The following GOLGB1 variants were observed in gnomAD, a reference collection of about 807,000 sequenced individuals.
GOLGB1 encodes golgin subfamily B member 1.
Under a neutral mutation model 336.9 loss-of-function variants are expected in GOLGB1, and 174 were observed. That is an observed-to-expected ratio of 0.52 (90% confidence interval 0.46 to 0.59). GOLGB1 has a LOEUF of 0.59. Among genes scored for constraint, GOLGB1 ranks in the 20% least tolerant of loss-of-function variants. The probability of loss-of-function intolerance (pLI) is 0.00; values close to 1 mark genes in which losing one functional copy is unlikely to be tolerated. For synonymous variants in GOLGB1, 1,208 were observed against 1,289.2 expected, an observed-to-expected ratio of 0.94 and a Z score of 1.35; for missense variants, 3,331 against 3,645.3, an observed-to-expected ratio of 0.91 and a Z score of 2.22.
intron 15 of GOLGB1, among the ~76,000 whole-genome samples, chr3:121,677,862 ATACGG>A (rs1940608934): frequency 6.6e-6 from 1 of 152,174 alleles, no homozygotes; most frequent in Non-Finnish European, 1.5e-5. Context: ...CGATGCTCTG[ATACGG>A]TACCAATCAC....
intron 5 of GOLGB1, among the ~76,000 whole-genome samples, chr3:121,726,397 C>A (rs1945602052): frequency 7.1e-6 from 1 of 141,478 alleles, no homozygotes; most frequent in Non-Finnish European, 1.5e-5. Context: ...CTGTACTGCT[C>A]CACTCCAGCC....
In GOLGB1 at chr3:121,698,267, GTC is replaced by G; in HGVS notation, c.2254_2255del (p.Asp752ProfsTer10). On this transcript the variant is annotated frameshift_variant, in exon 13 of 22. Coordinates refer to ENST00000614479, the MANE Select transcript of GOLGB1 (RefSeq NM_001366282.2). LOFTEE classifies it high-confidence loss of function. ...SAFTALSEER[D>X]QLLSQVKELS... is the part of the protein sequence containing the mutation. ...GTTCCTTCACCTGAGAGAGAAGCTG[GTC>G]TCTTTCTTCAGACAAAGCAGTGAAT... The G allele has an allele frequency of 6.2e-7, 1 of 1,613,810 alleles. No homozygotes were observed. The highest frequency in any genetic ancestry group is 8.5e-7 in the Non-Finnish European group (1 of 1,179,794).
chr3:121,736,013 A>G (rs1946444840), intron 1 of GOLGB1, among the ~76,000 whole-genome samples: 1 of 152,232 alleles, frequency 6.6e-6, no homozygotes, highest in African/African-American at 2.4e-5. Flanking sequence ...AGGAGCTCCC[A>G]ATGATCAAGG....
intron 15 of GOLGB1, among the ~76,000 whole-genome samples, chr3:121,678,712 C>A (rs555448513): frequency 6.6e-6 from 1 of 152,216 alleles, no homozygotes; most frequent in East Asian, 1.9e-4. Flanking sequence ...GGATTACAGG[C>A]GCACGCCACC....
At chr3:121,680,407 CA>C (rs1187929383) in intron 15 of GOLGB1, among the ~76,000 whole-genome samples, 1 of 152,110 alleles carries the variant, frequency 6.6e-6, no homozygotes, top group Admixed American at 6.5e-5. Flanking sequence ...AATTATATGA[CA>C]AGGATTTTAC....
Position 121,698,436 on chromosome 3 carries a change from CTTT to C in GOLGB1, c.2084_2086del (p.Lys695del). The C allele has an allele frequency of 1.9e-6, 3 of 1,613,938 alleles. No individual in the cohort carries two copies. Among genetic ancestry groups the C allele is most frequent in the Non-Finnish European group, 2.5e-6 (3 of 1,179,898 alleles). On this transcript the variant is annotated inframe_deletion, in exon 13 of 22. Coordinates refer to ENST00000614479, the MANE Select transcript of GOLGB1 (RefSeq NM_001366282.2). ...GTTTAGCTCGAGCTCCAAAATTTGACTTTTTAACCTTTCCAACTCATCCTGATG... is the reference window on the plus strand; with the variant it reads ...GTTTAGCTCGAGCTCCAAAATTTGACTTAACCTTTCCAACTCATCCTGATG...
chr3:121,746,759 C>T (rs1947317004), intron 1 of GOLGB1, among the ~76,000 whole-genome samples: 1 of 152,142 alleles, frequency 6.6e-6, no homozygotes, highest in Admixed American at 6.5e-5. Context: ...GGATTACAGG[C>T]ATGAGCCACT....
At chr3:121,731,560 TC>T (rs1946120204) in intron 1 of GOLGB1, among the ~76,000 whole-genome samples, 1 of 152,130 alleles carries the variant, frequency 6.6e-6, no homozygotes, top group Non-Finnish European at 1.5e-5. Flanking sequence ...AGACTGTTAT[TC>T]TCTCCCACTT....
chr3:121,686,232 TC>T (rs1299291775), intron 14 of GOLGB1, among the ~76,000 whole-genome samples: 1 of 152,202 alleles, frequency 6.6e-6, no homozygotes, highest in Non-Finnish European at 1.5e-5. Context: ...AGGTGATTTT[TC>T]TTTCTCCTTT....
At chr3:121,719,564 G>T in intron 7 of GOLGB1, 82 bp downstream of exon 7, 1 of 1,081,792 alleles carries the variant, frequency 9.2e-7, no homozygotes, top group Non-Finnish European at 1.3e-6. Flanking sequence ...GTGAAGAGCA[G>T]TGGGTAAGGG....
At chr3:121,734,319 G>A (rs1159209366) in intron 1 of GOLGB1, among the ~76,000 whole-genome samples, 2 of 151,356 alleles carry the variant, frequency 1.3e-5, no homozygotes, top group Non-Finnish European at 1.5e-5. Context: ...GAACCTGGAA[G>A]GCATGGATTG....
intron 14 of GOLGB1, among the ~76,000 whole-genome samples, chr3:121,682,094 A>AT (rs995958402): frequency 6.6e-6 from 1 of 152,212 alleles, no homozygotes; most frequent in Non-Finnish European, 1.5e-5. Context: ...GGGTGTGACT[A>AT]TTCCTGCAAC....
At chr3:121,693,134 A>C (rs1576340596) in intron 13 of GOLGB1, among the ~76,000 whole-genome samples, 1 of 152,320 alleles carries the variant, frequency 6.6e-6, no homozygotes, top group African/African-American at 2.4e-5. Flanking sequence ...GAGACTAGAC[A>C]ATTAATTTGA....
chr3:121,701,851 A>G (rs1390258667), intron 11 of GOLGB1, among the ~76,000 whole-genome samples: 1 of 152,172 alleles, frequency 6.6e-6, no homozygotes, highest in African/African-American at 2.4e-5. Flanking sequence ...AAAGACAAAC[A>G]TATAAACAGA....
intron 10 of GOLGB1, among the ~76,000 whole-genome samples, chr3:121,709,596 G>GA (rs1047525539): frequency 2.6e-5 from 4 of 152,042 alleles, no homozygotes; most frequent in African/African-American, 9.7e-5. Flanking sequence ...CATGGTCAAT[G>GA]AAAAAATCAC....
chr3:121,736,549 A>C (rs1181765170), intron 1 of GOLGB1, among the ~76,000 whole-genome samples: 3 of 152,212 alleles, frequency 2.0e-5, no homozygotes, highest in African/African-American at 7.2e-5. Flanking sequence ...AAAGTAATGA[A>C]AAACAACAAA....
At chr3:121,720,429 T>C (rs1419473261) in intron 6 of GOLGB1, among the ~76,000 whole-genome samples, 2 of 152,220 alleles carry the variant, frequency 1.3e-5, no homozygotes, top group Non-Finnish European at 2.9e-5. Context: ...GGTGAGCTGC[T>C]CAGTATCAGT....
At chr3:121,727,975 T>C (rs1270221206) in intron 4 of GOLGB1, among the ~76,000 whole-genome samples, 1 of 152,146 alleles carries the variant, frequency 6.6e-6, no homozygotes, top group African/African-American at 2.4e-5. Flanking sequence ...ATTACTGCTT[T>C]AAGGTCTCAG....
rs529043980 is a variant in GOLGB1, at chr3:121,690,782, C to T, written c.8582G>A (p.Arg2861Gln). 8.8e-6 allele frequency: 14 copies of T among 1,596,634 alleles called. No homozygotes were observed. The highest frequency in any genetic ancestry group is 1.7e-4 in the Middle Eastern group (1 of 5,936). The change falls in exon 14 of 22, where the codon CGA (arginine) becomes CAA (glutamine). Residue 2861 changes from arginine to glutamine, a missense_variant. Physicochemically the swap from Arg to Gln is conservative, Grantham distance 43. Transcript: ENST00000614479. ...CCTCTGCTTCCCTTCCTCTGACTTT[C>T]GAAATTTCTCCAGCTCATTCCACAG... ...DHLWNELEKF[R>Q]KSEEGKQRSA... is the part of the protein sequence containing the mutation.
Sources: gnomAD v4.1 joint callset for allele counts (sites outside exome capture counted in the v4.1 genomes callset) on GRCh38, gnomAD v4.1.1 for gene constraint, MANE v1.5 for transcripts, NCBI Gene and HGNC (gene_info 2026-07-23, HGNC 2026-07-21) for gene names.